The following KCNE1 variants were observed in gnomAD, a reference collection of about 807,000 sequenced individuals.
KCNE1 encodes potassium voltage-gated channel subfamily E member 1.
KCNE1 carries 1 observed loss-of-function variant against 2.9 expected under a neutral mutation model. That is an observed-to-expected ratio of 0.34 (90% CI 0.12 to 1.62). The LOEUF (loss-of-function observed/expected upper bound fraction) is 1.62. Ranked by LOEUF, KCNE1 falls within the 40% of genes most tolerant of loss-of-function variation. The pLI is 0.36. For missense variants in KCNE1, 45 were observed against 150.5 expected (o/e 0.30, Z 3.67); for synonymous variants, 23 against 65.4 (o/e 0.35, Z 3.13).
chr21:34,506,872 T>A (rs562891008), intron 2 of KCNE1, among the ~76,000 whole-genome samples: 1 of 152,228 alleles, frequency 6.6e-6, no homozygotes, highest in East Asian at 1.9e-4. Flanking sequence ...CAGGCAAAGC[T>A]TCCCAAAGGA....
intron 2 of KCNE1, among the ~76,000 whole-genome samples, chr21:34,498,336 C>A (rs1215247390): frequency 6.6e-6 from 1 of 152,228 alleles, no homozygotes; most frequent in East Asian, 1.9e-4. Context: ...GAGAATATTT[C>A]AATGGAAAGA....
chr21:34,511,384 T>G, intron 1 of KCNE1, 69 bp from the exon 2 acceptor site: 1 of 793,356 alleles, frequency 1.3e-6, no homozygotes, highest in African/African-American at 1.9e-5. Flanking sequence ...TGGGACCTAA[T>G]GGGAGGTGTT....
At chr21:34,500,373 G>A (rs1378688321) in intron 2 of KCNE1, among the ~76,000 whole-genome samples, 1 of 152,190 alleles carries the variant, frequency 6.6e-6, no homozygotes, top group Non-Finnish European at 1.5e-5. Context: ...AGGCTGTGCA[G>A]CCCAAGTGCC....
intron 2 of KCNE1, among the ~76,000 whole-genome samples, chr21:34,507,353 G>A (rs185711449): frequency 1.7e-4 from 26 of 152,256 alleles, no homozygotes; most frequent in Non-Finnish European, 2.5e-4. Context: ...GTGGACAGGC[G>A]TGCTCATCAT....
chr21:34,497,671 T>G (rs1353083656), intron 2 of KCNE1, among the ~76,000 whole-genome samples: 1 of 152,228 alleles, frequency 6.6e-6, no homozygotes, highest in Admixed American at 6.5e-5. Context: ...GATGATGATC[T>G]ATTTGCAATG....
chr21:34,500,953 T>A (rs1405419502), intron 2 of KCNE1, among the ~76,000 whole-genome samples: 1 of 152,234 alleles, frequency 6.6e-6, no homozygotes, highest in Non-Finnish European at 1.5e-5. Flanking sequence ...CTCAACTGCA[T>A]GCCAACTTCT....
chr21:34,511,866 G>A (rs1568868880), intron 1 of KCNE1, among the ~76,000 whole-genome samples, 161 bp downstream of exon 1: 2 of 152,242 alleles, frequency 1.3e-5, no homozygotes, highest in Non-Finnish European at 2.9e-5. Flanking sequence ...GTTGGAAGAA[G>A]TGAGGGGGGT....
chr21:34,499,984 T>G (rs1983067341), intron 2 of KCNE1, among the ~76,000 whole-genome samples: 1 of 152,202 alleles, frequency 6.6e-6, no homozygotes. Context: ...GGCAATTTAT[T>G]TTTATTTTTT....
rs565961499 is a variant in KCNE1 at position 34,496,435 on chromosome 21, G to A, written c.-162+14666C>T. On this transcript the variant is annotated intron_variant, in intron 2 of 3. Transcript: ENST00000399286. ...TGGTTGACCCAAAGGTCATTCAGGA[G>A]CAGATTACTTAATTTCCATGTATTT... Among the ~76,000 whole-genome samples the A allele has an allele frequency of 6.2e-4, 95 of 152,302 alleles. No individual in the cohort carries two copies. In the Middle Eastern group the frequency reaches 0.01, roughly 16 times the overall value.
At chr21:34,504,656 T>C (rs1045700990) in intron 2 of KCNE1, among the ~76,000 whole-genome samples, 4 of 152,206 alleles carry the variant, frequency 2.6e-5, no homozygotes, top group Non-Finnish European at 1.5e-5. Flanking sequence ...AACCCAAATG[T>C]TCATCAACTG....
intron 2 of KCNE1, among the ~76,000 whole-genome samples, chr21:34,502,594 G>C (rs954837466): frequency 6.6e-6 from 1 of 152,148 alleles, no homozygotes; most frequent in Middle Eastern, 3.2e-3. Context: ...CTCACCTTGG[G>C]CTATGATTAG....
intron 3 of KCNE1, among the ~76,000 whole-genome samples, chr21:34,450,039 T>C (rs1222888567): frequency 2.1e-5 from 2 of 93,252 alleles, no homozygotes; most frequent in Admixed American, 1.0e-4. Context: ...TCCTTCTTTT[T>C]CCTCATGACT....
At chr21:34,500,816 CTTCT>C (rs1983121846) in intron 2 of KCNE1, among the ~76,000 whole-genome samples, 1 of 152,024 alleles carries the variant, frequency 6.6e-6, no homozygotes, top group Non-Finnish European at 1.5e-5. Flanking sequence ...ATTTTTTATT[CTTCT>C]TTCTTATGGC....
chr21:34,503,092 G>A (rs1243436943), intron 2 of KCNE1, among the ~76,000 whole-genome samples: 1 of 152,170 alleles, frequency 6.6e-6, no homozygotes, highest in Non-Finnish European at 1.5e-5. Flanking sequence ...CACAGGGTGA[G>A]GGCTTAGTCC....
chr21:34,499,027 T>C (rs1377815825), intron 2 of KCNE1, among the ~76,000 whole-genome samples: 1 of 152,120 alleles, frequency 6.6e-6, no homozygotes, highest in Admixed American at 6.5e-5. Context: ...GGGGGCAGAG[T>C]TTGGCATGTC....
intron 2 of KCNE1, among the ~76,000 whole-genome samples, chr21:34,506,148 T>A (rs928322520): frequency 6.6e-6 from 1 of 152,218 alleles, no homozygotes; most frequent in Non-Finnish European, 1.5e-5. Flanking sequence ...TATGTGGCTA[T>A]AGCCATATTG....
At chr21:34,495,709 G>A (rs1181862081) in intron 2 of KCNE1, among the ~76,000 whole-genome samples, 1 of 151,552 alleles carries the variant, frequency 6.6e-6, no homozygotes, top group Non-Finnish European at 1.5e-5. Context: ...TATTTCTGTG[G>A]TGTCAGTTGT....
chr21:34,498,972 T>C (rs1362126306), intron 2 of KCNE1, among the ~76,000 whole-genome samples: 1 of 152,150 alleles, frequency 6.6e-6, no homozygotes, highest in African/African-American at 2.4e-5. Flanking sequence ...AATTTATGTC[T>C]TTTGTGATCA....
intron 2 of KCNE1, among the ~76,000 whole-genome samples, chr21:34,496,440 T>C (rs1982814381): frequency 6.6e-6 from 1 of 152,222 alleles, no homozygotes. Flanking sequence ...CAGGAGCAGA[T>C]TACTTAATTT....
Sources: allele counts gnomAD v4.1 joint callset (sites outside exome capture counted in the v4.1 genomes callset), GRCh38; gene constraint gnomAD v4.1.1; transcripts MANE v1.5; gene names NCBI Gene and HGNC (gene_info 2026-07-23, HGNC 2026-07-21).